Variants in RFX3 observed in about 807,000 individuals in gnomAD.
RFX3 encodes transcription factor RFX3.
RFX3 carries 14 observed loss-of-function variants against 98.6 expected under a neutral mutation model. That is an observed-to-expected ratio of 0.14 (90% CI 0.09 to 0.22). RFX3 has a LOEUF of 0.22. Among genes scored for constraint, RFX3 ranks in the 10% least tolerant of loss-of-function variants. The pLI, the probability that RFX3 is intolerant of heterozygous loss-of-function variation, is 1.00. For missense variants in RFX3, 639 were observed against 926.9 expected (o/e 0.69, Z 4.03); for synonymous variants, 383 against 328.4 (o/e 1.17, Z -1.80).
intron 2 of RFX3, among the ~76,000 whole-genome samples, chr9:3,353,927 T>C (rs1464705448): frequency 1.3e-5 from 2 of 152,020 alleles, no homozygotes; most frequent in African/African-American, 4.8e-5. Context: ...AATAGACTTA[T>C]GATTTAAGCG....
At chr9:3,364,884 T>A (rs1051135319) in intron 2 of RFX3, 18 of 152,256 alleles carry the variant, frequency 1.2e-4, no homozygotes, top group African/African-American at 4.3e-4. Flanking sequence ...TTTACTATAT[T>A]CAGTTTTATG....
intron 10 of RFX3, chr9:3,270,758 T>C (rs1824318421): frequency 3.0e-6 from 2 of 667,136 alleles, no homozygotes; most frequent in Non-Finnish European, 5.0e-6. Flanking sequence ...AAGGCAGATA[T>C]GATAGTAATT....
chr9:3,516,154 T>G lies in RFX3; in HGVS notation c.-9+9593A>C, dbSNP rs745932090. Among the ~76,000 whole-genome samples, 170 of 152,090 alleles carry G rather than the reference T, an allele frequency of 1.1e-3. 2 individuals are homozygous for G. Among genetic ancestry groups the G allele is most frequent in the South Asian group, 1.5e-3 (7 of 4,822 alleles). ...AGCTCCACCTCCTGTATTCACACCA[T>G]TCTCTCACCTCAGCCTCCCGAGTAG... On this transcript the variant is annotated intron_variant, in intron 1 of 16. Coordinates refer to ENST00000617270, the MANE Select transcript of RFX3 (RefSeq NM_001282116.2).
At chr9:3,306,336 A>C (rs1351379652) in intron 4 of RFX3, among the ~76,000 whole-genome samples, 1 of 152,084 alleles carries the variant, frequency 6.6e-6, no homozygotes, top group Non-Finnish European at 1.5e-5. Context: ...TTTTAAGTAT[A>C]AGAATAAAAT....
chr9:3,397,827 A>G (rs1184366578), intron 1 of RFX3, among the ~76,000 whole-genome samples: 1 of 152,198 alleles, frequency 6.6e-6, no homozygotes, highest in African/African-American at 2.4e-5. Flanking sequence ...TAAGTGCTTG[A>G]TATATTTATT....
intron 1 of RFX3, among the ~76,000 whole-genome samples, chr9:3,508,696 A>G (rs1359461520): frequency 6.6e-6 from 1 of 152,120 alleles, no homozygotes; most frequent in African/African-American, 2.4e-5. Context: ...CCTTGTTAAA[A>G]GCAAATGACA....
At chr9:3,280,763 G>A (rs571009761) in intron 7 of RFX3, among the ~76,000 whole-genome samples, 1 of 151,804 alleles carries the variant, frequency 6.6e-6, no homozygotes, top group East Asian at 1.9e-4. Flanking sequence ...TTTGAGAATG[G>A]AGCTTAGGAA....
At chr9:3,506,051 T>C (rs1255135434) in intron 1 of RFX3, among the ~76,000 whole-genome samples, 1 of 151,786 alleles carries the variant, frequency 6.6e-6, no homozygotes, top group Non-Finnish European at 1.5e-5. Flanking sequence ...ATATTAAAAC[T>C]TACAGAAATT....
intron 1 of RFX3, among the ~76,000 whole-genome samples, chr9:3,438,396 C>A (rs1481493891): frequency 6.6e-6 from 1 of 151,290 alleles, no homozygotes; most frequent in African/African-American, 2.4e-5. Flanking sequence ...GTCAAGAGGA[C>A]AACAGAGATG....
chr9:3,494,591 A>G (rs1288017542), intron 1 of RFX3, among the ~76,000 whole-genome samples: 1 of 152,194 alleles, frequency 6.6e-6, no homozygotes, highest in Non-Finnish European at 1.5e-5. Flanking sequence ...GTATCTATCT[A>G]TACCCATCTG....
At chr9:3,372,572 G>C (rs1173231675) in intron 2 of RFX3, among the ~76,000 whole-genome samples, 2 of 146,174 alleles carry the variant, frequency 1.4e-5, no homozygotes, top group Non-Finnish European at 3.0e-5. Context: ...TTTTGAGATG[G>C]AGTCTCGCTC....
chr9:3,453,421 C>T (rs1191629414), intron 1 of RFX3: 1 of 151,950 alleles, frequency 6.6e-6, no homozygotes, highest in African/African-American at 2.4e-5. Context: ...ATAATTCTGT[C>T]TCGGCACAGT....
At chr9:3,254,051 C>T (rs770865133) in intron 14 of RFX3, among the ~76,000 whole-genome samples, 11 of 151,924 alleles carry the variant, frequency 7.2e-5, no homozygotes, top group East Asian at 1.9e-4. Context: ...CTTTTTGAAA[C>T]GAAAATAATA....
At chr9:3,404,136 T>C (rs1490411593) in intron 1 of RFX3, among the ~76,000 whole-genome samples, 2 of 152,190 alleles carry the variant, frequency 1.3e-5, no homozygotes, top group Admixed American at 6.5e-5. Context: ...CTTAAAGAAC[T>C]GAATTCTCAT....
At chr9:3,328,405 C>T (rs967328701) in intron 4 of RFX3, among the ~76,000 whole-genome samples, 4 of 151,972 alleles carry the variant, frequency 2.6e-5, no homozygotes, top group Non-Finnish European at 5.9e-5. Context: ...CTAACTAACC[C>T]CTTATTTTAT....
chr9:3,227,037 T>C (rs1817859072), intron 16 of RFX3, among the ~76,000 whole-genome samples: 1 of 152,176 alleles, frequency 6.6e-6, no homozygotes, highest in African/African-American at 2.4e-5. Context: ...CATCTGGCTC[T>C]AACTCAAGAG....
At chr9:3,238,852 G>C (rs1819530480) in intron 15 of RFX3, among the ~76,000 whole-genome samples, 1 of 151,906 alleles carries the variant, frequency 6.6e-6, no homozygotes, top group African/African-American at 2.4e-5. Context: ...AATTAGCTGG[G>C]CGTGGTTGCG....
intron 15 of RFX3, among the ~76,000 whole-genome samples, chr9:3,232,787 AG>A (rs1185441898): frequency 1.4e-5 from 2 of 144,466 alleles, no homozygotes; most frequent in East Asian, 2.3e-4. Flanking sequence ...AGAGAGAGAG[AG>A]AGAGAGAGAG....
chr9:3,284,520 T>C (rs988321072), intron 7 of RFX3, among the ~76,000 whole-genome samples: 10 of 151,624 alleles, frequency 6.6e-5, no homozygotes, highest in African/African-American at 2.4e-4. Flanking sequence ...TCCTTAACCA[T>C]GGTATTTTAC....
Sources: gnomAD v4.1 joint callset for allele counts (sites outside exome capture counted in the v4.1 genomes callset) on GRCh38, gnomAD v4.1.1 for gene constraint, MANE v1.5 for transcripts, NCBI Gene and HGNC (gene_info 2026-07-23, HGNC 2026-07-21) for gene names.